Variants in HIRA observed in about 807,000 individuals in gnomAD.
The protein encoded by HIRA is protein HIRA.
Under a neutral mutation model 126.6 loss-of-function variants are expected in HIRA, and 13 were observed. The observed-to-expected ratio is 0.10, with a 90% CI of 0.07 to 0.16. The LOEUF (loss-of-function observed/expected upper bound fraction) is 0.16, where lower values mean the gene tolerates loss of function less well. Among genes scored for constraint, HIRA ranks in the 10% least tolerant of loss-of-function variants. HIRA has a pLI of 1.00. For synonymous variants in HIRA, 511 were observed against 520.0 expected (o/e 0.98, Z 0.24); for missense variants, 834 against 1,314.4 (o/e 0.63, Z 5.65).
intron 15 of HIRA, among the ~76,000 whole-genome samples, chr22:19,363,620 G>A (rs1450587277): frequency 6.6e-6 from 1 of 152,172 alleles, no homozygotes; most frequent in African/African-American, 2.4e-5. Context: ...TATTCTGGCT[G>A]GGTGTGGTGG....
At chr22:19,431,365 GC>G (rs1414479276) in intron 1 of HIRA, 74 bp downstream of exon 1, 45 of 1,516,412 alleles carry the variant, frequency 3.0e-5, no homozygotes, top group Admixed American at 2.0e-4. Flanking sequence ...GGCAGGACTT[GC>G]GCGCGCCCCG....
At chr22:19,419,174 C>G (rs2089423840) in intron 1 of HIRA, among the ~76,000 whole-genome samples, 1 of 152,204 alleles carries the variant, frequency 6.6e-6, no homozygotes, top group Non-Finnish European at 1.5e-5. Context: ...TGACTGCCTT[C>G]TAGACACCTC....
chr22:19,404,381 C>T (rs1008886172), intron 5 of HIRA, among the ~76,000 whole-genome samples: 2 of 152,208 alleles, frequency 1.3e-5, no homozygotes, highest in Non-Finnish European at 2.9e-5. Context: ...GCCTACCCCA[C>T]ACTTGGGCAC....
chr22:19,379,658 CTTT>C (rs200202102), intron 13 of HIRA, among the ~76,000 whole-genome samples: 4 of 122,426 alleles, frequency 3.3e-5, no homozygotes, highest in Admixed American at 3.2e-4. Context: ...TACTTGATTT[CTTT>C]TTTTTTTTTT....
chr22:19,338,084 G>A (rs1437823266), intron 24 of HIRA, among the ~76,000 whole-genome samples: 1 of 152,000 alleles, frequency 6.6e-6, no homozygotes, highest in Non-Finnish European at 1.5e-5. Context: ...GAGCCACTGC[G>A]CCTGGCCAGA....
intron 24 of HIRA, among the ~76,000 whole-genome samples, chr22:19,337,845 G>A (rs1311515743): frequency 2.0e-5 from 3 of 152,038 alleles, no homozygotes; most frequent in Non-Finnish European, 4.4e-5. Flanking sequence ...AGGCTGGAGT[G>A]CAGTGGTGCA....
chr22:19,362,735 A>G lies in HIRA; in HGVS notation c.1776-804T>C, dbSNP rs541629072. The stretch of plus-strand genomic sequence containing the variant: ...GCCACCACGCCTGGTTAATTTTTGT[A>G]TTATTAGTAGAGACAGGGTTTCATC... On this transcript the variant is annotated intron_variant, in intron 15 of 24. Coordinates refer to ENST00000263208, the MANE Select transcript of HIRA (RefSeq NM_003325.4). Among the ~76,000 whole-genome samples the G allele has an allele frequency of 3.0e-4, 45 of 151,574 alleles. 2 individuals are homozygous for G. In the South Asian group the frequency reaches 8.4e-3, roughly 28 times the overall value.
chr22:19,422,346 C>T (rs2089455539), intron 1 of HIRA, among the ~76,000 whole-genome samples: 1 of 151,930 alleles, frequency 6.6e-6, no homozygotes, highest in Non-Finnish European at 1.5e-5. Context: ...CTGATCCAGA[C>T]CATCTCTTGC....
At chr22:19,342,552 A>G (rs1012955992) in intron 24 of HIRA, among the ~76,000 whole-genome samples, 14 of 152,050 alleles carry the variant, frequency 9.2e-5, no homozygotes, top group African/African-American at 3.4e-4. Flanking sequence ...ATGGTTGGCT[A>G]ATTTTTTGTA....
At chr22:19,398,188 T>G (rs1306601946) in intron 5 of HIRA, 101 bp from the exon 6 acceptor site, 4 of 788,598 alleles carry the variant, frequency 5.1e-6, no homozygotes, top group Admixed American at 2.6e-5. Context: ...TCATAACCAC[T>G]CTGGTATTTT....
chr22:19,410,165 C>T (rs563826479), intron 2 of HIRA, among the ~76,000 whole-genome samples: 7 of 152,216 alleles, frequency 4.6e-5, no homozygotes, highest in Non-Finnish European at 1.0e-4. Flanking sequence ...CCAAATAGAA[C>T]CATGCAACAT....
chr22:19,336,614 C>T (rs2088569774), intron 24 of HIRA, among the ~76,000 whole-genome samples: 1 of 152,250 alleles, frequency 6.6e-6, no homozygotes, highest in Non-Finnish European at 1.5e-5. Flanking sequence ...TATCTACAAA[C>T]AAGGACTCTC....
chr22:19,427,793 G>T (rs1601866645), intron 1 of HIRA, among the ~76,000 whole-genome samples: 1 of 152,168 alleles, frequency 6.6e-6, no homozygotes, highest in South Asian at 2.1e-4. Context: ...GCCCAGAGTT[G>T]GGAAGAGCCA....
Position 19,400,976 on chromosome 22 carries a change from T to A in HIRA, c.398-2889A>T, listed in dbSNP as rs372171505. 3.3e-5 allele frequency among the ~76,000 whole-genome samples: 5 copies of A among 152,176 alleles called. No individual in the cohort carries two copies. In the East Asian group the frequency reaches 5.8e-4, roughly 18 times the overall value. On this transcript the variant is annotated intron_variant, in intron 5 of 24. Coordinates refer to ENST00000263208, the MANE Select transcript of HIRA (RefSeq NM_003325.4). Reference sequence around the variant, plus strand: ...GCCACCAGGAACTCCGATCTACTGATGCTGCCGTCCCCTCACCACTTGCCA... The same window carrying A: ...GCCACCAGGAACTCCGATCTACTGAAGCTGCCGTCCCCTCACCACTTGCCA...
At chr22:19,363,511 C>G (rs963256703) in intron 15 of HIRA, among the ~76,000 whole-genome samples, 7 of 152,092 alleles carry the variant, frequency 4.6e-5, no homozygotes, top group African/African-American at 1.7e-4. Context: ...CAACCTGGAA[C>G]AGGCAAAACC....
intron 1 of HIRA, among the ~76,000 whole-genome samples, chr22:19,412,738 AG>A (rs1569311482): frequency 6.6e-6 from 1 of 152,196 alleles, no homozygotes; most frequent in African/African-American, 2.4e-5. Flanking sequence ...CTGAGGGCTC[AG>A]CTGCACAAGT....
chr22:19,349,113 T>G (rs1002667733), intron 24 of HIRA, among the ~76,000 whole-genome samples: 24 of 151,614 alleles, frequency 1.6e-4, no homozygotes, highest in African/African-American at 5.8e-4. Context: ...TTTTTAAATT[T>G]TCCTTTTCTT....
chr22:19,376,874 G>T (rs189963383), intron 14 of HIRA, among the ~76,000 whole-genome samples: 1 of 152,320 alleles, frequency 6.6e-6, no homozygotes, highest in Non-Finnish European at 1.5e-5. Flanking sequence ...CGCTCTGACG[G>T]TATCAGCTGT....
chr22:19,394,844 C>T (rs1015324366), intron 7 of HIRA, among the ~76,000 whole-genome samples: 4 of 152,232 alleles, frequency 2.6e-5, no homozygotes, highest in African/African-American at 9.6e-5. Flanking sequence ...GCCACTGACC[C>T]AATTCTTCTG....
Sources: gnomAD v4.1 joint callset for allele counts (sites outside exome capture counted in the v4.1 genomes callset) on GRCh38, gnomAD v4.1.1 for gene constraint, MANE v1.5 for transcripts, NCBI Gene and HGNC (gene_info 2026-07-23, HGNC 2026-07-21) for gene names.